The following PHACTR4 variants were observed in gnomAD, a reference collection of about 807,000 sequenced individuals.
The protein encoded by PHACTR4 is protein phosphatase 1, regulatory subunit 124.
In PHACTR4, 51 loss-of-function variants were observed where a neutral mutation model predicts 72.7. That is an observed-to-expected ratio of 0.70 (90% CI 0.56 to 0.89). The LOEUF (loss-of-function observed/expected upper bound fraction) is 0.89, where lower values mean the gene tolerates loss of function less well. PHACTR4 is among the 40% of genes least tolerant of loss of function. The pLI is 0.00. For missense variants in PHACTR4, 731 were observed against 861.8 expected (o/e 0.85, Z 1.90); for synonymous variants, 255 against 302.5 (o/e 0.84, Z 1.63).
At chr1:28,374,500 A>T (rs780951235) in intron 1 of PHACTR4, among the ~76,000 whole-genome samples, 1 of 152,214 alleles carries the variant, frequency 6.6e-6, no homozygotes, top group African/African-American at 2.4e-5. Flanking sequence ...AATGCATAAC[A>T]TGCCAATGGA....
rs755335483 is a variant in PHACTR4, at chr1:28,460,312, G to C, written c.271+20G>C. 1.3e-6 allele frequency: 2 copies of C among 1,534,214 alleles called. No homozygotes were observed. Among genetic ancestry groups the C allele is most frequent in the Non-Finnish European group, 1.8e-6 (2 of 1,109,568 alleles). On this transcript the variant is annotated intron_variant, in intron 4 of 13. Coordinates refer to ENST00000373839, the MANE Select transcript of PHACTR4 (RefSeq NM_001048183.3). ...AGCAAGGTGAGTTTACAAATAAATA[G>C]CATATGCCTGTCTCTGTGCACTTGG...
intron 6 of PHACTR4, among the ~76,000 whole-genome samples, chr1:28,470,984 C>T (rs1342994449): frequency 6.6e-6 from 1 of 151,714 alleles, no homozygotes; most frequent in Admixed American, 6.6e-5. Context: ...ATTGTTCATG[C>T]CACTGCACTC....
At chr1:28,483,538 A>G (rs1410262382) in intron 9 of PHACTR4, among the ~76,000 whole-genome samples, 1 of 152,184 alleles carries the variant, frequency 6.6e-6, no homozygotes, top group Non-Finnish European at 1.5e-5. Flanking sequence ...GCGGTGGCTC[A>G]CGCCTGTAAT....
chr1:28,455,194 CTTTCTTTTTT>C (rs1658293342), intron 2 of PHACTR4, among the ~76,000 whole-genome samples: 1 of 78,730 alleles, frequency 1.3e-5, no homozygotes, highest in Non-Finnish European at 2.4e-5. Flanking sequence ...CTTTTTCTTT[CTTTCTTTTTT>C]TTTTTTTTTT....
intron 4 of PHACTR4, among the ~76,000 whole-genome samples, chr1:28,464,396 G>C (rs764554478): frequency 6.6e-6 from 1 of 152,150 alleles, no homozygotes; most frequent in Non-Finnish European, 1.5e-5. Flanking sequence ...TCTTTATTCA[G>C]TGTGGTAGGC....
chr1:28,421,002 T>C (rs969645406), intron 2 of PHACTR4, among the ~76,000 whole-genome samples: 2 of 152,188 alleles, frequency 1.3e-5, no homozygotes, highest in African/African-American at 4.8e-5. Flanking sequence ...TTGGTCACAC[T>C]AAGTTTTGTA....
At chr1:28,493,114 ATATATGTGCTAGGT>A in intron 13 of PHACTR4, 23 bp downstream of exon 13, 1 of 1,594,454 alleles carries the variant, frequency 6.3e-7, no homozygotes, top group Non-Finnish European at 8.6e-7. Flanking sequence ...AGACCCAATC[ATATATGTGCTAGGT>A]AGAGTTTTCC....
chr1:28,378,203 A>AAAAAAAAAAAAAAAAAG, intron 1 of PHACTR4, among the ~76,000 whole-genome samples: 1 of 146,132 alleles, frequency 6.8e-6, no homozygotes, highest in African/African-American at 2.6e-5. Flanking sequence ...TCTCATAAAA[A>AAAAAAAAAAAAAAAAAG]AAAAAAAAAA....
At chr1:28,494,960 TAGTG>T (rs1661257763) in intron 13 of PHACTR4, among the ~76,000 whole-genome samples, 2 of 152,166 alleles carry the variant, frequency 1.3e-5, no homozygotes, top group Non-Finnish European at 2.9e-5. Context: ...GAAATAATCT[TAGTG>T]AGCATAGTGG....
rs1661390990 is a variant in PHACTR4 at position 28,496,854 on chromosome 1, ACCAC to A, written c.*306_*309del. The A allele has an allele frequency of 3.5e-5, 17 of 483,456 alleles. 1 individual carries two copies. In the South Asian group the frequency reaches 3.9e-4, roughly 11 times the overall value. The allele number at this position is 483,456 out of a possible 1,614,324, so 29.9% of individuals were successfully genotyped here. On this transcript the variant is annotated 3_prime_UTR_variant, in exon 14 of 14. Coordinates refer to ENST00000373839, the MANE Select transcript of PHACTR4 (RefSeq NM_001048183.3). ...GCAGGTTCCAGGTTTTACTGGCTGC[ACCAC>A]ACCCCTTCCCCTAGATGACTGCCTG...
chr1:28,375,993 C>T (rs1338680101), intron 1 of PHACTR4, among the ~76,000 whole-genome samples: 1 of 151,880 alleles, frequency 6.6e-6, no homozygotes, highest in Non-Finnish European at 1.5e-5. Flanking sequence ...GGCTTGAACT[C>T]GGGAGGCGGA....
In PHACTR4 at chr1:28,465,817, C is replaced by A; in HGVS notation, c.404C>A (p.Ala135Asp). ...EPVRLASLRK[A>D]IPEEDLKKRL... is the part of the protein sequence containing the mutation. ...GTAAGATTAGCAAGTCTTAGGAAAG[C>A]TATTCCAGAAGAGGACCTAAAGAAA... The change falls in exon 5 of 14, where the codon GCT becomes GAT. Residue 135 changes from alanine to aspartate, a missense_variant. Transcript: ENST00000373839. The A allele has an allele frequency of 6.2e-7, 1 of 1,609,424 alleles. No homozygotes were observed.
chr1:28,418,227 C>T (rs1213452316), intron 2 of PHACTR4, among the ~76,000 whole-genome samples: 1 of 151,986 alleles, frequency 6.6e-6, no homozygotes, highest in Non-Finnish European at 1.5e-5. Context: ...CATTGGGAAG[C>T]CAAGGCAGGC....
At chr1:28,416,261 T>C (rs7542424) in intron 2 of PHACTR4, among the ~76,000 whole-genome samples, 1 of 152,152 alleles carries the variant, frequency 6.6e-6, no homozygotes, top group Non-Finnish European at 1.5e-5. Context: ...ATAGCATTAT[T>C]ATAAATATAT....
At position 28,476,317 on chromosome 1, in the gene PHACTR4, CAG is replaced by C. The variant is rs767545957; in HGVS notation, c.1606+30_1606+31del. On this transcript the variant is annotated intron_variant, in intron 8 of 13. Transcript: ENST00000373839. ...GTAAGAAAGGGAGGGAAAAGCAAAA[CAG>C]AGAATTCTTTTCCAGATAAAACTAT... The C allele has an allele frequency of 2.4e-5, 38 of 1,558,624 alleles. No homozygotes were observed. The East Asian group carries it at 6.2e-4, about 25-fold the overall frequency.
Position 28,394,913 on chromosome 1 carries a change from CT to C in PHACTR4, c.-38-12482del, listed in dbSNP as rs1052095461. On this transcript the variant is annotated intron_variant, in intron 1 of 13. Transcript: ENST00000373839. ...GCCTGGACCTGGCCATCCTTTTTTT[CT>C]TTTTTTTTTTTTTTCTGAGATGAAG... Among the ~76,000 whole-genome samples the C allele has an allele frequency of 8.8e-3, 1,115 of 126,986 alleles. 9 individuals carry two copies. Among genetic ancestry groups the C allele is most frequent in the African/African-American group, 0.022 (758 of 34,508 alleles). The allele number at this position is 126,986 out of a possible 152,430, so 83.3% of individuals were successfully genotyped here.
At chr1:28,451,495 C>A (rs1657970096) in intron 2 of PHACTR4, among the ~76,000 whole-genome samples, 1 of 149,976 alleles carries the variant, frequency 6.7e-6, no homozygotes. Context: ...ACAGCCTCAA[C>A]TCCTAGACTC....
At chr1:28,466,854 T>A in intron 6 of PHACTR4, 86 bp downstream of exon 6, 1 of 1,491,694 alleles carries the variant, frequency 6.7e-7, no homozygotes, top group Non-Finnish European at 9.0e-7. Context: ...CAACATTGAT[T>A]TGGTCTGTGA....
intron 2 of PHACTR4, among the ~76,000 whole-genome samples, chr1:28,455,939 A>G (rs1438780275): frequency 1.3e-5 from 2 of 152,200 alleles, no homozygotes; most frequent in East Asian, 3.9e-4. Flanking sequence ...AGTGAAAATC[A>G]AGCACATTTG....
Sources: gnomAD v4.1 joint callset for allele counts (sites outside exome capture counted in the v4.1 genomes callset) on GRCh38, gnomAD v4.1.1 for gene constraint, MANE v1.5 for transcripts, NCBI Gene and HGNC (gene_info 2026-07-23, HGNC 2026-07-21) for gene names.